Variants in TBC1D22A observed in about 807,000 individuals in gnomAD.
The protein encoded by TBC1D22A is TBC1 domain family member 22A.
A neutral mutation model predicts 60.2 loss-of-function variants in TBC1D22A; 38 were observed. That is an observed-to-expected ratio of 0.63 (90% confidence interval 0.49 to 0.83). The LOEUF (loss-of-function observed/expected upper bound fraction) is 0.83, where lower values mean the gene tolerates loss of function less well. Ranked by LOEUF, TBC1D22A falls within the 40% of genes least tolerant of loss-of-function variation. The pLI is 0.00. For missense variants in TBC1D22A, 628 were observed against 701.0 expected (o/e 0.90, Z 1.18); for synonymous variants, 302 against 281.7 (o/e 1.07, Z -0.72).
intron 12 of TBC1D22A, among the ~76,000 whole-genome samples, chr22:47,118,580 A>G (rs2066155722): frequency 6.6e-6 from 1 of 152,242 alleles, no homozygotes; most frequent in Admixed American, 6.5e-5. Flanking sequence ...TAAAAATAGA[A>G]AAATAAAGAC....
At position 47,034,319 on chromosome 22, in the gene TBC1D22A, C is replaced by T. The variant is rs944560378; in HGVS notation, c.1202-2752C>T. 3.7e-4 allele frequency among the ~76,000 whole-genome samples: 56 copies of T among 152,160 alleles called. 1 individual carries two copies. The highest frequency in any genetic ancestry group is 7.3e-5 in the Non-Finnish European group (5 of 68,030). On this transcript the variant is annotated intron_variant, in intron 10 of 12. Transcript: ENST00000337137. ...GTCTCTGTGAGCCTGTGTGGTGCCG[C>T]GTCCTTGTGTGACCTGCCCTCTGAG... is the stretch of plus-strand genomic sequence containing the variant.
intron 11 of TBC1D22A, among the ~76,000 whole-genome samples, chr22:47,083,371 A>G (rs957058565): frequency 1.0e-3 from 153 of 152,184 alleles, no homozygotes; most frequent in African/African-American, 3.5e-3. Context: ...ACACACACAC[A>G]CACACACACA....
chr22:47,086,396 G>T (rs572199212), intron 11 of TBC1D22A, among the ~76,000 whole-genome samples: 1 of 152,198 alleles, frequency 6.6e-6, no homozygotes, highest in East Asian at 1.9e-4. Context: ...CGGAGGTTGC[G>T]GTGAGCTGAG....
In TBC1D22A at chr22:46,881,628, G is replaced by T. The variant is rs955187699; in HGVS notation, c.708+2905G>T. Among the ~76,000 whole-genome samples, 38 of 152,212 alleles carry T rather than the reference G, an allele frequency of 2.5e-4. 1 individual carries two copies. Among genetic ancestry groups the T allele is most frequent in the Admixed American group, 1.3e-3 (20 of 15,284 alleles). Reference sequence around the variant, plus strand: ...TCGTAGGAGCAGTGCTGGTTGTAAGGGGAGGCTGCTCTTGGCAGGCTCTTG... The same window carrying T: ...TCGTAGGAGCAGTGCTGGTTGTAAGTGGAGGCTGCTCTTGGCAGGCTCTTG... On this transcript the variant is annotated intron_variant, in intron 5 of 12. Coordinates refer to ENST00000337137, the MANE Select transcript of TBC1D22A (RefSeq NM_014346.5).
At chr22:46,791,167 T>C (rs968081456) in intron 1 of TBC1D22A, among the ~76,000 whole-genome samples, 10 of 152,166 alleles carry the variant, frequency 6.6e-5, no homozygotes, top group Non-Finnish European at 1.3e-4. Context: ...CACAGGCTTA[T>C]GTCACCACGC....
intron 10 of TBC1D22A, among the ~76,000 whole-genome samples, chr22:46,998,602 A>C (rs563275278): frequency 3.9e-5 from 6 of 152,172 alleles, no homozygotes; most frequent in Non-Finnish European, 7.3e-5. Flanking sequence ...CGCCTTTAGC[A>C]CAGAAGGCCG....
chr22:46,768,704 T>C (rs1601783898), intron 1 of TBC1D22A, among the ~76,000 whole-genome samples: 2 of 152,082 alleles, frequency 1.3e-5, no homozygotes, highest in African/African-American at 4.8e-5. Flanking sequence ...GTGGGTCTGA[T>C]GTTTGCTATT....
intron 4 of TBC1D22A, among the ~76,000 whole-genome samples, chr22:46,813,557 T>C (rs1027424458): frequency 6.6e-6 from 1 of 152,236 alleles, no homozygotes; most frequent in Non-Finnish European, 1.5e-5. Flanking sequence ...CAATATGTAG[T>C]GAGCTCCTAC....
chr22:46,891,502 G>T, intron 6 of TBC1D22A, 108 bp downstream of exon 6: 1 of 1,234,266 alleles, frequency 8.1e-7, no homozygotes, highest in South Asian at 1.9e-5. Context: ...CAGAGTTAAA[G>T]ATGCAGGTCC....
chr22:46,913,349 G>A (rs964466719), intron 8 of TBC1D22A: 2 of 1,366,308 alleles, frequency 1.5e-6, no homozygotes, highest in African/African-American at 1.5e-5. Context: ...CCAGGTTGTG[G>A]TCGGCCTCAG....
At chr22:46,793,379 C>A in intron 2 of TBC1D22A, 122 bp from the exon 3 acceptor site, 2 of 932,720 alleles carry the variant, frequency 2.1e-6, no homozygotes, top group Non-Finnish European at 3.2e-6. Context: ...CTTTTTCACT[C>A]ACTATTGCTA....
At chr22:47,087,171 A>G (rs528062291) in intron 11 of TBC1D22A, among the ~76,000 whole-genome samples, 2 of 152,386 alleles carry the variant, frequency 1.3e-5, no homozygotes, top group East Asian at 1.9e-4. Flanking sequence ...GCGCATGCAC[A>G]CAAACTTTCC....
chr22:46,897,796 C>T (rs1358388274), intron 7 of TBC1D22A, among the ~76,000 whole-genome samples: 2 of 151,492 alleles, frequency 1.3e-5, no homozygotes, highest in African/African-American at 4.8e-5. Flanking sequence ...TAAATGTTAT[C>T]TCTTTAAAGC....
At chr22:47,116,623 C>T (rs1348501777) in intron 12 of TBC1D22A, 1 of 152,300 alleles carries the variant, frequency 6.6e-6, no homozygotes, top group East Asian at 1.9e-4. Flanking sequence ...CCGCCTGGCC[C>T]TGGGCCCTGC....
intron 4 of TBC1D22A, among the ~76,000 whole-genome samples, chr22:46,821,548 CT>C (rs2085832146): frequency 6.6e-6 from 1 of 152,130 alleles, no homozygotes; most frequent in Non-Finnish European, 1.5e-5. Flanking sequence ...GTTGAAAATT[CT>C]TTTCTTTAAG....
At chr22:46,792,018 C>T (rs1490489904) in intron 1 of TBC1D22A, among the ~76,000 whole-genome samples, 1 of 152,242 alleles carries the variant, frequency 6.6e-6, no homozygotes, top group Non-Finnish European at 1.5e-5. Flanking sequence ...GCCTTGGCCT[C>T]CCAAAGTGCT....
rs1230857943 is a variant in TBC1D22A, at chr22:47,034,404, C to T, written c.1202-2667C>T. Among the ~76,000 whole-genome samples the T allele has an allele frequency of 2.6e-5, 4 of 152,188 alleles. No homozygotes were observed. In the South Asian group the frequency reaches 6.2e-4, roughly 24 times the overall value. ...GCATCTTCTCTAGAGTCTCTGACATCCCACCTGGAAGAGTCTGACTGAGAG... is the reference window on the plus strand; with the variant it reads ...GCATCTTCTCTAGAGTCTCTGACATTCCACCTGGAAGAGTCTGACTGAGAG... On this transcript the variant is annotated intron_variant, in intron 10 of 12. Coordinates refer to ENST00000337137, the MANE Select transcript of TBC1D22A (RefSeq NM_014346.5).
Position 46,990,839 on chromosome 22 carries a change from C to G in TBC1D22A, c.1126-6795C>G, listed in dbSNP as rs758049125. On this transcript the variant is annotated intron_variant, in intron 9 of 12. Coordinates refer to ENST00000337137, the MANE Select transcript of TBC1D22A (RefSeq NM_014346.5). This position sits in a 1 kb window ranked among gnomAD's most constrained non-coding sequence, Gnocchi z 4.6. Reference sequence around the variant, plus strand: ...CGGCGTTCGTGACGGCTCTGCTCCTCGCCGTGTGCGTCTGGAAGTGACCAT... The same window carrying G: ...CGGCGTTCGTGACGGCTCTGCTCCTGGCCGTGTGCGTCTGGAAGTGACCAT... Among the ~76,000 whole-genome samples, 2 of 152,208 alleles carry G rather than the reference C, an allele frequency of 1.3e-5. No homozygotes were observed. Among genetic ancestry groups the G allele is most frequent in the African/African-American group, 4.8e-5 (2 of 41,448 alleles).
chr22:46,886,227 A>G (rs1478256376), intron 5 of TBC1D22A, among the ~76,000 whole-genome samples: 5 of 152,202 alleles, frequency 3.3e-5, no homozygotes, highest in African/African-American at 4.8e-5. Flanking sequence ...GTGAATCAAT[A>G]CGCTCTTTGG....
Sources: gnomAD v4.1 joint callset for allele counts (sites outside exome capture counted in the v4.1 genomes callset) on GRCh38, gnomAD v4.1.1 for gene constraint, Gnocchi (gnomAD v3.1) non-coding constraint, MANE v1.5 for transcripts, NCBI Gene and HGNC (gene_info 2026-07-23, HGNC 2026-07-21) for gene names.